Variants in HERC2 observed in about 807,000 individuals in gnomAD.
The protein encoded by HERC2 is HECT and RLD domain containing E3 ubiquitin protein ligase 2.
Under a neutral mutation model 537.7 loss-of-function variants are expected in HERC2, and 102 were observed. The observed-to-expected ratio is 0.19, with a 90% CI of 0.16 to 0.22. The LOEUF (loss-of-function observed/expected upper bound fraction) is 0.22, where lower values mean the gene tolerates loss of function less well. Among genes scored for constraint, HERC2 ranks in the 10% least tolerant of loss-of-function variants. The pLI, the probability that HERC2 is intolerant of heterozygous loss-of-function variation, is 1.00. For synonymous variants in HERC2, 2,224 were observed against 2,466.2 expected, an observed-to-expected ratio of 0.90 and a Z score of 2.91; for missense variants, 4,236 against 6,198.2, an observed-to-expected ratio of 0.68 and a Z score of 10.63.
chr15:28,186,687 A>G lies in HERC2; in HGVS notation c.8715T>C (p.His2905=), dbSNP rs761109242. The part of the protein sequence containing the change: ...CRSSGIDCKI[H]GLILLGRIRA... ...GGATCCGTCCCAGCAGGATGAGACC[A>G]TGGATTTTACAATCGATTCCTGAGC... Residue 2905 remains histidine (H), a synonymous_variant, in exon 56 of 93, where the codon CAT becomes CAC. Transcript: ENST00000261609. 6.2e-7 allele frequency: 1 copy of G among 1,614,116 alleles called. No homozygotes were observed. Among genetic ancestry groups the G allele is most frequent in the South Asian group, 1.1e-5 (1 of 91,078 alleles).
intron 70 of HERC2, among the ~76,000 whole-genome samples, chr15:28,149,293 C>T (rs73379663): frequency 0.024 from 3,585 of 150,968 alleles, 132 homozygotes; most frequent in African/African-American, 0.083. Flanking sequence ...AAAAAACACA[C>T]GCAGCTCCTG....
chr15:28,174,718 G>A lies in HERC2; in HGVS notation c.9832-98C>T, dbSNP rs200146721. On this transcript the variant is annotated intron_variant, in intron 64 of 92. Coordinates refer to ENST00000261609, the MANE Select transcript of HERC2 (RefSeq NM_004667.6). ...CAAAATGCTTAACGCGTATGCCACG[G>A]TAGTTGAAAGAATTGAGTTCTTAAA... 2.7e-5 allele frequency: 27 copies of A among 989,326 alleles called. 1 individual carries two copies. In the East Asian group the frequency reaches 6.7e-4, roughly 24 times the overall value. 61.3% of individuals were successfully genotyped at this position (989,326 alleles called of 1,614,324 possible). A position where few individuals can be genotyped will look rare whatever the true frequency, so the allele number is the denominator to read the frequency against.
At chr15:28,175,715 A>G (rs774371459) in intron 63 of HERC2, 59 bp from the exon 64 acceptor site, 21 of 1,543,768 alleles carry the variant, frequency 1.4e-5, no homozygotes, top group Non-Finnish European at 1.8e-5. Context: ...AATGCTATAC[A>G]AGAAGACACT....
chr15:28,305,372 C>T (rs1365138062), intron 2 of HERC2, among the ~76,000 whole-genome samples: 1 of 151,298 alleles, frequency 6.6e-6, no homozygotes, highest in East Asian at 1.9e-4. Context: ...GAAATAACGC[C>T]GCATACCTAC....
In HERC2 at chr15:28,307,871, G is replaced by A. The variant is rs57291038; in HGVS notation, c.73-8355C>T. Among the ~76,000 whole-genome samples, 142 of 152,090 alleles carry A rather than the reference G, an allele frequency of 9.3e-4. 1 individual carries two copies. Among genetic ancestry groups the A allele is most frequent in the Non-Finnish European group, 1.7e-3 (114 of 68,000 alleles). ...GAAAATGAGTTCACCGTAGATGTGC[G>A]GATTTGTTTCTGGATTCTCTATTCT... On this transcript the variant is annotated intron_variant, in intron 2 of 92. Transcript: ENST00000261609.
intron 79 of HERC2, among the ~76,000 whole-genome samples, chr15:28,134,408 A>C (rs887593626): frequency 2.0e-5 from 3 of 152,268 alleles, no homozygotes; most frequent in Admixed American, 1.3e-4. Context: ...TGTTTTCTGC[A>C]AAAAAGACAG....
intron 23 of HERC2, among the ~76,000 whole-genome samples, chr15:28,239,149 T>G (rs2140712782): frequency 6.6e-6 from 1 of 152,246 alleles, no homozygotes; most frequent in Non-Finnish European, 1.5e-5. Flanking sequence ...TAAAATACAC[T>G]TATAAGTAAC....
Position 28,177,234 on chromosome 15 carries a change from G to T in HERC2, c.9255-107C>A. The stretch of plus-strand genomic sequence containing the variant: ...ACATGTAGTCAACACAGGATCCACA[G>T]ATCAACTATCAAAACTTAAAGCAGA... On this transcript the variant is annotated intron_variant, in intron 60 of 92. Transcript: ENST00000261609. This position sits in a 1 kb window ranked among gnomAD's most constrained non-coding sequence, Gnocchi z 5.0. 2 of 1,280,808 alleles carry T rather than the reference G, an allele frequency of 1.6e-6. No individual in the cohort carries two copies. The highest frequency in any genetic ancestry group is 2.2e-6 in the Non-Finnish European group (2 of 919,004). The allele number at this position is 1,280,808 out of a possible 1,614,324, so 79.3% of individuals were successfully genotyped here. A position where few individuals can be genotyped will look rare whatever the true frequency, so the allele number is the denominator to read the frequency against.
chr15:28,207,619 G>A (rs1898627249), intron 44 of HERC2, among the ~76,000 whole-genome samples: 1 of 152,082 alleles, frequency 6.6e-6, no homozygotes, highest in South Asian at 2.1e-4. Flanking sequence ...AGCTTTAGGT[G>A]CAGCCTTTAG....
At chr15:28,319,831 T>C (rs2428646) in intron 2 of HERC2, among the ~76,000 whole-genome samples, 5 of 152,190 alleles carry the variant, frequency 3.3e-5, no homozygotes, top group African/African-American at 9.6e-5. Flanking sequence ...AAAAACACTT[T>C]ATTACGTAAA....
At chr15:28,115,167 C>T in intron 89 of HERC2, 1 of 514,688 alleles carries the variant, frequency 1.9e-6, no homozygotes, top group Non-Finnish European at 3.4e-6. Flanking sequence ...CGGCCCCCAG[C>T]TGCCCAAAAG....
intron 79 of HERC2, 74 bp from the exon 80 acceptor site, chr15:28,132,904 T>TGCGAC: frequency 8.9e-7 from 1 of 1,127,724 alleles, no homozygotes; most frequent in Non-Finnish European, 1.2e-6. Flanking sequence ...TAAATACCTC[T>TGCGAC]CAATCTACAC....
In HERC2 at chr15:28,211,630, G is replaced by A. The variant is rs572124059; in HGVS notation, c.6926-485C>T. Among the ~76,000 whole-genome samples, 65 of 152,172 alleles carry A rather than the reference G, an allele frequency of 4.3e-4. 1 individual carries two copies. Among genetic ancestry groups the A allele is most frequent in the African/African-American group, 1.5e-3 (63 of 41,534 alleles). ...GGGTGGGAAGGAAGGAGGGCCGCAG[G>A]TGCCGCTCGGACACTGGCTCAACTA... On this transcript the variant is annotated intron_variant, in intron 43 of 92. Coordinates refer to ENST00000261609, the MANE Select transcript of HERC2 (RefSeq NM_004667.6).
chr15:28,130,151 G>T lies in HERC2; in HGVS notation c.12802+12C>A. On this transcript the variant is annotated intron_variant, in intron 83 of 92. Transcript: ENST00000261609. ...ACAGGCCTCAGTCCTGCGGCACTGA[G>T]CCCCTACCTACCATCCTCTGTGCAG... The T allele has an allele frequency of 6.2e-7, 1 of 1,614,032 alleles. No homozygotes were observed. Among genetic ancestry groups the T allele is most frequent in the Non-Finnish European group, 8.5e-7 (1 of 1,179,950 alleles).
chr15:28,148,186 T>G (rs964066475), intron 70 of HERC2, among the ~76,000 whole-genome samples: 1 of 151,820 alleles, frequency 6.6e-6, no homozygotes, highest in South Asian at 2.1e-4. Context: ...ATACAAGACA[T>G]GAAAGAACCA....
intron 81 of HERC2, among the ~76,000 whole-genome samples, chr15:28,131,465 G>T (rs1890099035): frequency 6.6e-6 from 1 of 152,204 alleles, no homozygotes; most frequent in Non-Finnish European, 1.5e-5. Context: ...CGGCAGTGTG[G>T]TGTGCATGCA....
intron 85 of HERC2, 130 bp downstream of exon 85, chr15:28,123,907 G>A (rs1595989068): frequency 1.5e-6 from 1 of 651,132 alleles, no homozygotes. Flanking sequence ...CTGGCATGCA[G>A]GAGGCATTCC....
chr15:28,151,845 G>A (rs1487651328), intron 70 of HERC2, among the ~76,000 whole-genome samples: 1 of 151,896 alleles, frequency 6.6e-6, no homozygotes, highest in Non-Finnish European at 1.5e-5. Context: ...AAAGAATCAA[G>A]CTTTTATCTT....
chr15:28,205,606 T>C (rs1207387871), intron 45 of HERC2, among the ~76,000 whole-genome samples: 1,023 of 92,912 alleles, frequency 0.011, 1 homozygote, highest in African/African-American at 0.043. Flanking sequence ...TAATTTCTGA[T>C]TGCCAAACTG....
Sources: gnomAD v4.1 joint callset for allele counts (sites outside exome capture counted in the v4.1 genomes callset) on GRCh38, gnomAD v4.1.1 for gene constraint, Gnocchi (gnomAD v3.1) non-coding constraint, MANE v1.5 for transcripts, NCBI Gene and HGNC (gene_info 2026-07-23, HGNC 2026-07-21) for gene names.